The following PCDHGB1 variants were observed in gnomAD, a reference collection of about 807,000 sequenced individuals.
PCDHGB1 encodes the protein protocadherin gamma subfamily B, 1.
Under a neutral mutation model 56.6 loss-of-function variants are expected in PCDHGB1, and 34 were observed. That is an observed-to-expected ratio of 0.60 (90% CI 0.46 to 0.80). PCDHGB1 has a LOEUF of 0.80. Ranked by LOEUF, PCDHGB1 falls within the 30% of genes least tolerant of loss-of-function variation. The probability of loss-of-function intolerance (pLI) is 0.00; values close to 1 mark genes in which losing one functional copy is unlikely to be tolerated. For missense variants in PCDHGB1, 1,278 were observed against 1,204.6 expected (o/e 1.06, Z -0.90); for synonymous variants, 561 against 505.9 (o/e 1.11, Z -1.46).
At chr5:141,466,938 G>C (rs985959499) in intron 1 of PCDHGB1, among the ~76,000 whole-genome samples, 1 of 151,854 alleles carries the variant, frequency 6.6e-6, no homozygotes, top group Non-Finnish European at 1.5e-5. Context: ...TTAGTCCTTT[G>C]TCCAGTAAAC....
At position 141,496,642 on chromosome 5, in the gene PCDHGB1, G is replaced by C. The variant is rs1053400475; in HGVS notation, c.2468+1777G>C. Among the ~76,000 whole-genome samples the C allele has an allele frequency of 6.6e-5, 10 of 152,318 alleles. No individual in the cohort carries two copies. In the East Asian group the frequency reaches 1.5e-3, roughly 24 times the overall value. ...AGATCAAAAGGCTTGGGCTGCCCTT[G>C]CCCTTCCTTTGACCCCAGCTGTTGT... On this transcript the variant is annotated intron_variant, in intron 2 of 3. Transcript: ENST00000523390.
intron 1 of PCDHGB1, chr5:141,357,059 G>A: frequency 6.2e-7 from 1 of 1,613,980 alleles, no homozygotes; most frequent in South Asian, 1.1e-5. Flanking sequence ...TTTGCAGTGG[G>A]GCTGCACACA....
intron 1 of PCDHGB1, chr5:141,377,279 A>T (rs1256145515): frequency 1.3e-5 from 2 of 152,110 alleles, no homozygotes; most frequent in Admixed American, 1.3e-4. Flanking sequence ...TGGGAAAAAA[A>T]ATAACCTTAA....
At chr5:141,356,570 A>T in intron 1 of PCDHGB1, 1 of 1,613,864 alleles carries the variant, frequency 6.2e-7, no homozygotes, top group Non-Finnish European at 8.5e-7. Flanking sequence ...CATGCTTCCT[A>T]CTCTGCTTAC....
At chr5:141,409,761 T>C (rs1373037367) in intron 1 of PCDHGB1, 1 of 1,612,966 alleles carries the variant, frequency 6.2e-7, no homozygotes, top group African/African-American at 1.3e-5. Flanking sequence ...CAGCGCGCCT[T>C]TGATCACGAG....
intron 1 of PCDHGB1, among the ~76,000 whole-genome samples, chr5:141,364,001 T>G (rs1014120803): frequency 1.3e-5 from 2 of 152,232 alleles, no homozygotes; most frequent in African/African-American, 4.8e-5. Flanking sequence ...TTAACGGTCA[T>G]AAACAACGCT....
chr5:141,472,751 G>A (rs1000022316), intron 1 of PCDHGB1, among the ~76,000 whole-genome samples: 5 of 151,850 alleles, frequency 3.3e-5, no homozygotes, highest in East Asian at 3.9e-4. Flanking sequence ...TTTGGGAGGC[G>A]GAGGCTGGCA....
At chr5:141,388,228 A>G (rs768450383) in intron 1 of PCDHGB1, 9 of 1,605,464 alleles carry the variant, frequency 5.6e-6, no homozygotes, top group Non-Finnish European at 7.7e-6. Context: ...AATCCACTGA[A>G]CTTTTATCAC....
intron 1 of PCDHGB1, chr5:141,375,758 G>C (rs1473514742): frequency 1.2e-6 from 2 of 1,614,230 alleles, no homozygotes; most frequent in East Asian, 2.2e-5. Flanking sequence ...GAATGACAAT[G>C]CGCCCGAGAT....
intron 1 of PCDHGB1, chr5:141,383,689 G>T (rs773858539): frequency 1.9e-6 from 3 of 1,614,036 alleles, no homozygotes; most frequent in Non-Finnish European, 2.5e-6. Flanking sequence ...ACTGCTCACG[G>T]TACATGCTAT....
intron 1 of PCDHGB1, among the ~76,000 whole-genome samples, chr5:141,480,259 G>A (rs1285833242): frequency 2.0e-5 from 3 of 151,174 alleles, no homozygotes; most frequent in African/African-American, 7.3e-5. Flanking sequence ...AAAAAAATGT[G>A]TTTTCATTAG....
In PCDHGB1 at chr5:141,430,720, T is replaced by C. The variant is rs369549088; in HGVS notation, c.2410-64087T>C. On this transcript the variant is annotated intron_variant, in intron 1 of 3. Transcript: ENST00000523390. ...AAGGAACTGCTCCTGACTTCAGTGG[T>C]TAAGGGCAGAATTGAAAATAATTCT... The C allele has an allele frequency of 4.9e-4, 734 of 1,486,386 alleles. 1 individual carries two copies. Among genetic ancestry groups the C allele is most frequent in the Middle Eastern group, 9.1e-4 (5 of 5,506 alleles). The allele number at this position is 1,486,386 out of a possible 1,614,324, so 92.1% of individuals were successfully genotyped here.
intron 1 of PCDHGB1, chr5:141,413,690 A>G (rs553462819): frequency 6.2e-7 from 1 of 1,613,702 alleles, no homozygotes; most frequent in Non-Finnish European, 8.5e-7. Flanking sequence ...AACTCCCTGC[A>G]GAGCTATCAG....
intron 1 of PCDHGB1, among the ~76,000 whole-genome samples, chr5:141,452,835 C>A (rs2098750110): frequency 6.6e-6 from 1 of 152,154 alleles, no homozygotes; most frequent in Admixed American, 6.5e-5. Flanking sequence ...TCACTTGGTC[C>A]AGCCCACACT....
chr5:141,450,991 AT>A (rs1351194705), intron 1 of PCDHGB1, among the ~76,000 whole-genome samples: 2 of 150,700 alleles, frequency 1.3e-5, no homozygotes, highest in Non-Finnish European at 1.5e-5. Context: ...CACCCGGCTA[AT>A]TTTTTTGTAT....
At chr5:141,385,013 T>C (rs1588986326) in intron 1 of PCDHGB1, 1 of 1,614,162 alleles carries the variant, frequency 6.2e-7, no homozygotes, top group Non-Finnish European at 8.5e-7. Context: ...TGCGTCTTCC[T>C]AGCCTTCGTC....
At chr5:141,371,667 A>G in intron 1 of PCDHGB1, 1 of 1,614,022 alleles carries the variant, frequency 6.2e-7, no homozygotes, top group Non-Finnish European at 8.5e-7. Flanking sequence ...GATCACAGCT[A>G]CCGACAAAGG....
intron 1 of PCDHGB1, chr5:141,391,218 T>A (rs1486850229): frequency 1.3e-5 from 2 of 152,172 alleles, no homozygotes; most frequent in South Asian, 2.1e-4. Flanking sequence ...AGGAACATTA[T>A]ATGAGCCTTT....
chr5:141,371,145 G>T lies in PCDHGB1; in HGVS notation c.2409+18476G>T, dbSNP rs144065486. The T allele has an allele frequency of 2.5e-6, 4 of 1,613,912 alleles. No homozygotes were observed. In the African/African-American group the frequency reaches 5.3e-5, roughly 22 times the overall value. On this transcript the variant is annotated intron_variant, in intron 1 of 3. Coordinates refer to ENST00000523390, the MANE Select transcript of PCDHGB1 (RefSeq NM_018922.3). ...TACTCAGGACATGTACAGGGTCAAT[G>T]TTGCAGAGAACCTGCCCGCTGGCTC...
Sources: allele counts gnomAD v4.1 joint callset (sites outside exome capture counted in the v4.1 genomes callset), GRCh38; gene constraint gnomAD v4.1.1; transcripts MANE v1.5; gene names NCBI Gene and HGNC (gene_info 2026-07-23, HGNC 2026-07-21).